IFT80: variants seen among roughly 807,000 people sequenced by gnomAD.
The protein encoded by IFT80 is intraflagellar transport 80.
A neutral mutation model predicts 107.9 loss-of-function variants in IFT80; 79 were observed. The ratio of observed to expected loss-of-function variants is 0.73; its 90% CI spans 0.61 to 0.88. The LOEUF (loss-of-function observed/expected upper bound fraction) is 0.88. Among genes scored for constraint, IFT80 ranks in the 40% least tolerant of loss-of-function variants. The pLI is 0.00. For synonymous variants in IFT80, 299 were observed against 300.9 expected, an observed-to-expected ratio of 0.99 and a Z score of 0.07; for missense variants, 797 against 914.2, an observed-to-expected ratio of 0.87 and a Z score of 1.65.
chr3:160,383,554 AT>A (rs1712690823), intron 2 of IFT80: 1 of 802,146 alleles, frequency 1.2e-6, no homozygotes, highest in Non-Finnish European at 1.5e-6. Flanking sequence ...TACAATAAAA[AT>A]AAAATATTAG....
At chr3:160,329,188 A>G (rs922763340) in intron 8 of IFT80, among the ~76,000 whole-genome samples, 1 of 152,186 alleles carries the variant, frequency 6.6e-6, no homozygotes, top group East Asian at 1.9e-4. Context: ...TATTTTTCCA[A>G]TCAGTAAACT....
intron 8 of IFT80, among the ~76,000 whole-genome samples, chr3:160,326,776 C>G (rs1718704355): frequency 6.6e-6 from 1 of 152,134 alleles, no homozygotes; most frequent in South Asian, 2.1e-4. Flanking sequence ...AGGATGCCCT[C>G]TCTCACCACT....
intron 18 of IFT80, among the ~76,000 whole-genome samples, chr3:160,270,413 A>C (rs1713707881): frequency 6.6e-6 from 1 of 152,260 alleles, no homozygotes; most frequent in Admixed American, 6.5e-5. Flanking sequence ...AACACTTAAT[A>C]TGCAAAAATT....
intron 8 of IFT80, among the ~76,000 whole-genome samples, chr3:160,345,732 G>A (rs1249694085): frequency 6.7e-6 from 1 of 149,950 alleles, no homozygotes; most frequent in African/African-American, 2.4e-5. Flanking sequence ...ATGGTTATCA[G>A]AGGCTGGGAA....
intron 8 of IFT80, among the ~76,000 whole-genome samples, chr3:160,347,342 C>T (rs1015456867): frequency 1.2e-4 from 18 of 152,146 alleles, no homozygotes; most frequent in Admixed American, 1.0e-3. Context: ...TCTCAAAGCT[C>T]AGAAAAAATT....
At chr3:160,319,673 T>G (rs1718063610) in intron 9 of IFT80, 87 bp downstream of exon 9, 1 of 1,124,648 alleles carries the variant, frequency 8.9e-7, no homozygotes, top group East Asian at 2.4e-5. Context: ...CTTGACTAAA[T>G]ATAATTAATG....
intron 9 of IFT80, among the ~76,000 whole-genome samples, chr3:160,311,827 A>G (rs945866572): frequency 2.0e-5 from 3 of 152,100 alleles, no homozygotes; most frequent in African/African-American, 7.2e-5. Context: ...CCTGGGCTGG[A>G]GTGCAATGGC....
chr3:160,342,352 TAAC>T (rs771098518), intron 8 of IFT80, among the ~76,000 whole-genome samples: 1 of 152,094 alleles, frequency 6.6e-6, no homozygotes, highest in Non-Finnish European at 1.5e-5. Flanking sequence ...ATATAGAGAA[TAAC>T]AATTCAGAAT....
chr3:160,324,525 AAAC>A (rs202077134), intron 8 of IFT80, among the ~76,000 whole-genome samples: 6,918 of 152,244 alleles, frequency 0.045, 219 homozygotes, highest in Middle Eastern at 0.078. Context: ...CCAAACACAA[AAAC>A]AACATGATTA....
chr3:160,378,567 A>C (rs11920289), intron 3 of IFT80, among the ~76,000 whole-genome samples: 18,670 of 151,678 alleles, frequency 0.12, 1,901 homozygotes, highest in African/African-American at 0.28. Context: ...GGCTGGGACT[A>C]AGAAAGTACA....
intron 8 of IFT80, among the ~76,000 whole-genome samples, chr3:160,347,429 T>G (rs73019794): frequency 0.032 from 4,813 of 152,276 alleles, 258 homozygotes; most frequent in African/African-American, 0.11. Flanking sequence ...TTCCACCATT[T>G]TCTGTGACAC....
chr3:160,353,042 A>C (rs1280701580), intron 8 of IFT80, among the ~76,000 whole-genome samples: 2 of 152,106 alleles, frequency 1.3e-5, no homozygotes, highest in African/African-American at 2.4e-5. Flanking sequence ...TTGATCAGTG[A>C]CTCACCATTG....
At chr3:160,311,655 T>C (rs1484671479) in intron 9 of IFT80, among the ~76,000 whole-genome samples, 2 of 152,162 alleles carry the variant, frequency 1.3e-5, no homozygotes, top group East Asian at 3.9e-4. Context: ...TGTAGTGGTC[T>C]AGAATCAGCA....
chr3:160,378,948 A>C (rs1239515206), intron 3 of IFT80, among the ~76,000 whole-genome samples: 1 of 152,204 alleles, frequency 6.6e-6, no homozygotes, highest in Non-Finnish European at 1.5e-5. Flanking sequence ...AGATGCTAAG[A>C]GAGTGGGAGG....
chr3:160,389,923 T>C (rs1182079100), intron 1 of IFT80, among the ~76,000 whole-genome samples: 1 of 152,122 alleles, frequency 6.6e-6, no homozygotes, highest in Non-Finnish European at 1.5e-5. Context: ...TCCACAAGGG[T>C]TGAACTAGTT....
At chr3:160,390,164 T>C (rs1472108736) in intron 1 of IFT80, among the ~76,000 whole-genome samples, 2 of 152,108 alleles carry the variant, frequency 1.3e-5, no homozygotes, top group Admixed American at 6.5e-5. Context: ...ATGCCTGTAA[T>C]CCCAGCACTT....
intron 12 of IFT80, among the ~76,000 whole-genome samples, chr3:160,289,610 G>A (rs182559710): frequency 4.6e-5 from 7 of 152,266 alleles, no homozygotes; most frequent in African/African-American, 1.4e-4. Flanking sequence ...GGACCAATGC[G>A]GCGGTCCTGC....
chr3:160,315,465 T>C (rs1346538728), intron 9 of IFT80, among the ~76,000 whole-genome samples: 1 of 151,982 alleles, frequency 6.6e-6, no homozygotes, highest in Non-Finnish European at 1.5e-5. Context: ...TCTGGGGAGG[T>C]ATGTGTTCTT....
chr3:160,364,784 T>C (rs1330275408), intron 6 of IFT80, among the ~76,000 whole-genome samples: 1 of 151,924 alleles, frequency 6.6e-6, no homozygotes, highest in Non-Finnish European at 1.5e-5. Flanking sequence ...TTCTCACTCA[T>C]AGGTGGGAAC....
Sources: gnomAD v4.1 joint callset for allele counts (sites outside exome capture counted in the v4.1 genomes callset) on GRCh38, gnomAD v4.1.1 for gene constraint, MANE v1.5 for transcripts, NCBI Gene and HGNC (gene_info 2026-07-23, HGNC 2026-07-21) for gene names.